ESYT2: variants seen among roughly 807,000 people sequenced by gnomAD.
The protein encoded by ESYT2 is extended synaptotagmin 2.
A neutral mutation model predicts 107.2 loss-of-function variants in ESYT2; 54 were observed. The observed-to-expected ratio is 0.50, with a 90% CI of 0.40 to 0.63. The LOEUF (loss-of-function observed/expected upper bound fraction) is 0.63. Ranked by LOEUF, ESYT2 falls within the 30% of genes least tolerant of loss-of-function variation. ESYT2 has a pLI of 0.00. For synonymous variants in ESYT2, 491 were observed against 434.1 expected (o/e 1.13, Z -1.63); for missense variants, 1,020 against 1,094.5 (o/e 0.93, Z 0.96).
At chr7:158,742,506 G>A (rs3750054) in intron 17 of ESYT2, among the ~76,000 whole-genome samples, 36,824 of 152,100 alleles carry the variant, frequency 0.24, 5,420 homozygotes, top group East Asian at 0.59. Context: ...ACCAAAGCCC[G>A]TATTCTACAT....
chr7:158,803,006 T>A (rs995989145), intron 1 of ESYT2, among the ~76,000 whole-genome samples: 2 of 152,232 alleles, frequency 1.3e-5, no homozygotes, highest in Admixed American at 6.5e-5. Flanking sequence ...ACACACAAAA[T>A]TCTTACTGGA....
intron 10 of ESYT2, among the ~76,000 whole-genome samples, chr7:158,761,924 T>A (rs842436): frequency 6.6e-6 from 1 of 152,162 alleles, no homozygotes; most frequent in South Asian, 2.1e-4. Flanking sequence ...CACGTCCTCT[T>A]GGAACGTCTT....
At chr7:158,771,659 G>A (rs747771567) in intron 7 of ESYT2, among the ~76,000 whole-genome samples, 1 of 152,174 alleles carries the variant, frequency 6.6e-6, no homozygotes, top group Non-Finnish European at 1.5e-5. Flanking sequence ...AGCCCTTATG[G>A]TGCCCAACAC....
chr7:158,781,904 TG>T (rs1838844454), intron 6 of ESYT2, among the ~76,000 whole-genome samples: 1 of 132,942 alleles, frequency 7.5e-6, no homozygotes, highest in African/African-American at 2.9e-5. Context: ...CAAGTGTGAG[TG>T]AACGACAGAA....
rs994857285 is a variant in ESYT2, at chr7:158,731,602, C to T, written c.*2605G>A. 1.2e-4 allele frequency: 18 copies of T among 152,722 alleles called. No individual in the cohort carries two copies. Among genetic ancestry groups the T allele is most frequent in the Admixed American group, 2.0e-4 (3 of 15,276 alleles). 9.5% of individuals were successfully genotyped at this position (152,722 alleles called of 1,614,324 possible). ...GATTACAGGCGTGAGCCACCGCACC[C>T]GGCCAGCTGCTTCTATTTTAATCTG... On this transcript the variant is annotated 3_prime_UTR_variant, in exon 23 of 23. Transcript: ENST00000275418.
At chr7:158,827,180 A>G (rs1479473879) in intron 1 of ESYT2, among the ~76,000 whole-genome samples, 1 of 149,152 alleles carries the variant, frequency 6.7e-6, no homozygotes, top group Non-Finnish European at 1.5e-5. Context: ...AAAAAAAAAG[A>G]AAAGAAAAAG....
At chr7:158,788,172 A>C in intron 5 of ESYT2, 79 bp from the exon 6 acceptor site, 2 of 1,304,856 alleles carry the variant, frequency 1.5e-6, no homozygotes, top group Non-Finnish European at 2.2e-6. Context: ...TTGCATGCGA[A>C]TCTTAGTAAC....
intron 19 of ESYT2, 47 bp from the exon 20 acceptor site, chr7:158,737,226 G>C: frequency 6.3e-7 from 1 of 1,589,450 alleles, no homozygotes; most frequent in Non-Finnish European, 8.6e-7. Flanking sequence ...CCGAGAAAAA[G>C]AGAATGAGCA....
chr7:158,814,911 T>C (rs1840107433), intron 1 of ESYT2, among the ~76,000 whole-genome samples: 1 of 151,734 alleles, frequency 6.6e-6, no homozygotes, highest in African/African-American at 2.4e-5. Flanking sequence ...TGGTGCCAAA[T>C]CCCCAGTTCC....
chr7:158,827,857 T>C (rs775383705), intron 1 of ESYT2, among the ~76,000 whole-genome samples: 44 of 152,292 alleles, frequency 2.9e-4, no homozygotes, highest in Non-Finnish European at 5.6e-4. Flanking sequence ...ATCATTAAAA[T>C]CCTTTCTTGC....
At chr7:158,782,222 GATGT>G (rs1435125157) in intron 6 of ESYT2, among the ~76,000 whole-genome samples, 2 of 101,038 alleles carry the variant, frequency 2.0e-5, no homozygotes, top group Non-Finnish European at 4.7e-5. Context: ...TGTGAGAACA[GATGT>G]GAGTGTAACA....
At chr7:158,801,588 C>T (rs1839647912) in intron 1 of ESYT2, among the ~76,000 whole-genome samples, 1 of 148,924 alleles carries the variant, frequency 6.7e-6, no homozygotes, top group South Asian at 2.1e-4. Flanking sequence ...AAAACACAGT[C>T]CTCAATCACA....
intron 12 of ESYT2, 56 bp from the exon 13 acceptor site, chr7:158,759,637 T>A: frequency 4.3e-6 from 6 of 1,384,938 alleles, no homozygotes; most frequent in Non-Finnish European, 6.0e-6. Context: ...TTAGATACTA[T>A]TTCTATCTGA....
At chr7:158,737,822 TATATC>T (rs1339577594) in intron 19 of ESYT2, among the ~76,000 whole-genome samples, 1 of 152,244 alleles carries the variant, frequency 6.6e-6, no homozygotes, top group African/African-American at 2.4e-5. Context: ...ACCAAATTTT[TATATC>T]ATATTTTAAA....
At chr7:158,763,214 A>C (rs932758470) in intron 9 of ESYT2, 49 bp from the exon 10 acceptor site, 1 of 1,346,502 alleles carries the variant, frequency 7.4e-7, no homozygotes, top group Non-Finnish European at 1.1e-6. Context: ...TAATATAGTC[A>C]TACACTGAGT....
At chr7:158,778,940 T>C (rs1198444323) in intron 6 of ESYT2, among the ~76,000 whole-genome samples, 2 of 152,130 alleles carry the variant, frequency 1.3e-5, no homozygotes, top group East Asian at 3.9e-4. Context: ...GATGTAACTT[T>C]ACAGCTGACA....
intron 3 of ESYT2, among the ~76,000 whole-genome samples, 188 bp from the exon 4 acceptor site, chr7:158,793,914 G>A (rs554946296): frequency 6.6e-5 from 10 of 152,224 alleles, no homozygotes; most frequent in East Asian, 3.9e-4. Context: ...CCTTCCTCCC[G>A]TGAGCTGCAG....
At chr7:158,826,482 C>T (rs891072226) in intron 1 of ESYT2, among the ~76,000 whole-genome samples, 1 of 151,254 alleles carries the variant, frequency 6.6e-6, no homozygotes, top group Admixed American at 6.6e-5. Context: ...AGATTAAAAA[C>T]TTGAAAAGAA....
chr7:158,816,965 T>G (rs1042629151), intron 1 of ESYT2, among the ~76,000 whole-genome samples: 5 of 152,222 alleles, frequency 3.3e-5, no homozygotes, highest in Non-Finnish European at 7.3e-5. Flanking sequence ...ATTTAAAGAT[T>G]TGTAGCACAA....
Sources: allele counts gnomAD v4.1 joint callset (sites outside exome capture counted in the v4.1 genomes callset), GRCh38; gene constraint gnomAD v4.1.1; transcripts MANE v1.5; gene names NCBI Gene and HGNC (gene_info 2026-07-23, HGNC 2026-07-21).